Variants in SPOCK2 observed in about 807,000 individuals in gnomAD.
SPOCK2 encodes the protein SPARC (osteonectin), cwcv and kazal like domains proteoglycan 2.
A neutral mutation model predicts 60.1 loss-of-function variants in SPOCK2; 39 were observed. The ratio of observed to expected loss-of-function variants is 0.65; its 90% CI spans 0.50 to 0.85. The LOEUF is 0.85. Among genes scored for constraint, SPOCK2 ranks in the 40% least tolerant of loss-of-function variants. SPOCK2 has a pLI of 0.00. For synonymous variants in SPOCK2, 217 were observed against 231.5 expected (o/e 0.94, Z 0.57); for missense variants, 523 against 567.4 (o/e 0.92, Z 0.80).
In SPOCK2 at chr10:72,067,062, C is replaced by A; in HGVS notation, c.768G>T (p.Lys256Asn). ...CKDSIGWMFSKLDTSADLFLD... is the reference protein window; with the variant it reads ...CKDSIGWMFSNLDTSADLFLD... ...GGAAGAGGTCAGCACTGGTGTCCAGCTTGGAGAACATCCAGCCAATGGAGT... is the reference window on the plus strand; with the variant it reads ...GGAAGAGGTCAGCACTGGTGTCCAGATTGGAGAACATCCAGCCAATGGAGT... Residue 256 changes from lysine to asparagine, a missense_variant, in exon 8 of 11, where the codon AAG (lysine) becomes AAT (asparagine). Transcript: ENST00000373109. The A allele has an allele frequency of 6.2e-7, 1 of 1,614,218 alleles. No homozygotes were observed. The highest frequency in any genetic ancestry group is 8.5e-7 in the Non-Finnish European group (1 of 1,180,040).
chr10:72,074,266 A>G (rs1350836264), intron 1 of SPOCK2, among the ~76,000 whole-genome samples: 1 of 152,146 alleles, frequency 6.6e-6, no homozygotes, highest in Non-Finnish European at 1.5e-5. Flanking sequence ...CAAGCGTCAG[A>G]GCAGGCAGGG....
At chr10:72,067,812 C>T in intron 6 of SPOCK2, 80 bp from the exon 7 acceptor site, 3 of 1,552,548 alleles carry the variant, frequency 1.9e-6, no homozygotes, top group Admixed American at 1.9e-5. Context: ...TCCTGCCCTA[C>T]AGGCCAGGAG....
chr10:72,071,730 T>C (rs928903902), intron 4 of SPOCK2, among the ~76,000 whole-genome samples: 9 of 152,192 alleles, frequency 5.9e-5, no homozygotes, highest in African/African-American at 1.9e-4. Flanking sequence ...GCTTTCTCCT[T>C]GCTCATCTCT....
chr10:72,086,665 G>A (rs1840859887), intron 1 of SPOCK2: 5 of 1,270,460 alleles, frequency 3.9e-6, no homozygotes, highest in Non-Finnish European at 5.0e-6. Flanking sequence ...TCCTGCGGCT[G>A]GACAGGTCGC....
intron 1 of SPOCK2, chr10:72,086,632 G>C (rs1342152160): frequency 3.3e-6 from 4 of 1,214,052 alleles, no homozygotes; most frequent in African/African-American, 3.2e-5. Flanking sequence ...GGTGCTTCGG[G>C]AAGGCCTCGC....
At chr10:72,077,839 G>A (rs1362900967) in intron 1 of SPOCK2, among the ~76,000 whole-genome samples, 1 of 151,790 alleles carries the variant, frequency 6.6e-6, no homozygotes, top group Non-Finnish European at 1.5e-5. Flanking sequence ...TTCCCCTCCC[G>A]AATCCCTCTC....
rs1840480037 is a variant in SPOCK2 at position 72,060,707 on chromosome 10, G to C, written c.*2053C>G. The C allele has an allele frequency of 6.5e-6, 1 of 152,998 alleles. No homozygotes were observed. The highest frequency in any genetic ancestry group is 1.5e-5 in the Non-Finnish European group (1 of 68,362). 9.5% of individuals were successfully genotyped at this position (152,998 alleles called of 1,614,324 possible). A position where few individuals can be genotyped will look rare whatever the true frequency, so the allele number is the denominator to read the frequency against. On this transcript the variant is annotated 3_prime_UTR_variant, in exon 11 of 11. Transcript: ENST00000373109. ...GGTGAAGGACAGAGAGAGGACAGGA[G>C]AAAGAGGGGACTGGGGGACCTGGAA...
rs578034197 is a variant in SPOCK2, at chr10:72,070,561, G to A, written c.360-135C>T. On this transcript the variant is annotated intron_variant, in intron 4 of 10. Transcript: ENST00000373109. The stretch of plus-strand genomic sequence containing the variant: ...AGCAGATCAGCCCCTTCCTGCCCCT[G>A]CCCACCCTCCCCACACTGCTGCCAG... The A allele has an allele frequency of 5.8e-4, 429 of 744,084 alleles. 6 individuals are homozygous for A. The Middle Eastern group carries it at 8.9e-3, about 15-fold the overall frequency. 46.1% of individuals were successfully genotyped at this position (744,084 alleles called of 1,614,324 possible).
rs1010046006 is a variant in SPOCK2, at chr10:72,087,566, G to A, written c.189+574C>T. On this transcript the variant is annotated intron_variant, in intron 1 of 10. Coordinates refer to ENST00000373109, the MANE Select transcript of SPOCK2 (RefSeq NM_001244950.2). The surrounding 1 kb of genome is among the most constrained non-coding windows in gnomAD (Gnocchi z 4.7). ...GACACGCCTTCCACCATCTCGCCTA[G>A]AAGGCTGCTGGGACCCCAGACCCAG... Among the ~76,000 whole-genome samples the A allele has an allele frequency of 1.3e-5, 2 of 152,122 alleles. No homozygotes were observed. Among genetic ancestry groups the A allele is most frequent in the Admixed American group, 6.5e-5 (1 of 15,276 alleles).
rs1840477390 is a variant in SPOCK2 at position 72,060,535 on chromosome 10, G to A, written c.*2225C>T. On this transcript the variant is annotated 3_prime_UTR_variant, in exon 11 of 11. Transcript: ENST00000373109. ...GGAGGAAAGTTCCAGAACTCCAGCT[G>A]GGACAAATGGAAGAGATAGGTAGAC... The A allele has an allele frequency of 6.6e-6, 1 of 151,720 alleles. No homozygotes were observed. Among genetic ancestry groups the A allele is most frequent in the East Asian group, 1.9e-4 (1 of 5,144 alleles). 9.4% of individuals were successfully genotyped at this position (151,720 alleles called of 1,614,324 possible).
Position 72,088,539 on chromosome 10 carries a change from G to T in SPOCK2, c.-211C>A. The T allele has an allele frequency of 1.8e-6, 1 of 549,272 alleles. No individual in the cohort carries two copies. The highest frequency in any genetic ancestry group is 3.1e-6 in the Non-Finnish European group (1 of 319,314). 34.0% of individuals were successfully genotyped at this position (549,272 alleles called of 1,614,324 possible). On this transcript the variant is annotated 5_prime_UTR_variant, in exon 1 of 11. Coordinates refer to ENST00000373109, the MANE Select transcript of SPOCK2 (RefSeq NM_001244950.2). ...AAAAGCCCAGCACTGGACGCGGAGA[G>T]GGAGAGAGAATCAGAGAGGCTGCGC...
intron 2 of SPOCK2, 128 bp downstream of exon 2, chr10:72,072,774 G>A: frequency 6.9e-7 from 1 of 1,452,414 alleles, no homozygotes; most frequent in Non-Finnish European, 9.5e-7. Flanking sequence ...GTGAGCTCCT[G>A]ATTGCTCCCA....
Position 72,066,965 on chromosome 10 carries a change from A to T in SPOCK2, c.865T>A (p.Cys289Ser), listed in dbSNP as rs980824813. ...ACCCGGCCATCCTTGTAGGTGTCAC[A>T]GGAGTTGAAGAAGGGACGGATGCAG... ...EVCIRPFFNS[C>S]DTYKDGRVST... Residue 289 changes from cysteine to serine, a missense_variant, in exon 8 of 11, where the codon TGT becomes AGT. Cys to Ser is a moderately radical substitution (Grantham distance 112, BLOSUM62 -1). Coordinates refer to ENST00000373109, the MANE Select transcript of SPOCK2 (RefSeq NM_001244950.2). The T allele has an allele frequency of 1.9e-6, 3 of 1,614,224 alleles. No homozygotes were observed. The highest frequency in any genetic ancestry group is 1.7e-6 in the Non-Finnish European group (2 of 1,180,026).
intron 9 of SPOCK2, 102 bp from the exon 10 acceptor site, chr10:72,063,264 C>A: frequency 6.8e-7 from 1 of 1,465,120 alleles, no homozygotes; most frequent in South Asian, 1.3e-5. Context: ...AGTCTATACA[C>A]CCCCAGAGCC....
In SPOCK2 at chr10:72,087,329, G is replaced by T. The variant is rs565875371; in HGVS notation, c.189+811C>A. On this transcript the variant is annotated intron_variant, in intron 1 of 10. Transcript: ENST00000373109. This position sits in a 1 kb window ranked among gnomAD's most constrained non-coding sequence, Gnocchi z 4.7. ...CCCGCGGAGTTCGGCCCAAGGTTAC[G>T]CCGGGGTTCGGGCGGCGCCCGCCGG... Among the ~76,000 whole-genome samples, 1 of 152,040 alleles carries T rather than the reference G, an allele frequency of 6.6e-6. No individual in the cohort carries two copies. Among genetic ancestry groups the T allele is most frequent in the South Asian group, 2.1e-4 (1 of 4,810 alleles).
chr10:72,078,060 A>G (rs1378950634), intron 1 of SPOCK2, among the ~76,000 whole-genome samples: 15 of 152,222 alleles, frequency 9.9e-5, no homozygotes, highest in Non-Finnish European at 1.9e-4. Flanking sequence ...TGAGTAGGTG[A>G]AAAGGATTTA....
chr10:72,083,911 G>C (rs914960136), intron 1 of SPOCK2, among the ~76,000 whole-genome samples: 1 of 152,124 alleles, frequency 6.6e-6, no homozygotes, highest in African/African-American at 2.4e-5. Flanking sequence ...CACAGACGTC[G>C]GCGCAGCGCA....
chr10:72,067,053 G>T lies in SPOCK2; in HGVS notation c.777C>A (p.Thr259=), dbSNP rs1171685582. ...SIGWMFSKLD[T]SADLFLDQTE... ...TCTGGTCCAGGAAGAGGTCAGCACT[G>T]GTGTCCAGCTTGGAGAACATCCAGC... is the stretch of plus-strand genomic sequence containing the variant. The change falls in exon 8 of 11, where the codon ACC becomes ACA. Residue 259 remains threonine (T), a synonymous_variant. Coordinates refer to ENST00000373109, the MANE Select transcript of SPOCK2 (RefSeq NM_001244950.2). 1 of 1,614,080 alleles carries T rather than the reference G, an allele frequency of 6.2e-7. No individual in the cohort carries two copies. Among genetic ancestry groups the T allele is most frequent in the East Asian group, 2.2e-5 (1 of 44,900 alleles).
intron 9 of SPOCK2, 91 bp downstream of exon 9, chr10:72,064,087 C>A: frequency 1.3e-6 from 2 of 1,511,678 alleles, no homozygotes; most frequent in Admixed American, 2.0e-5. Context: ...CCATGTCTGC[C>A]ATGAGGCCCA....
Sources: gnomAD v4.1 joint callset for allele counts (sites outside exome capture counted in the v4.1 genomes callset) on GRCh38, gnomAD v4.1.1 for gene constraint, Gnocchi (gnomAD v3.1) non-coding constraint, MANE v1.5 for transcripts, NCBI Gene and HGNC (gene_info 2026-07-23, HGNC 2026-07-21) for gene names.